Variants in RGL3 observed in about 807,000 individuals in gnomAD.
The protein encoded by RGL3 is ral guanine nucleotide dissociation stimulator like 3, also known as ral guanine nucleotide dissociation stimulator-like 3.
In RGL3, 85 loss-of-function variants were observed where a neutral mutation model predicts 90.6. The ratio of observed to expected loss-of-function variants is 0.94; its 90% CI spans 0.79 to 1.12. The LOEUF is 1.12. Ranked by LOEUF, RGL3 falls within the 50% of genes most tolerant of loss-of-function variation. The pLI, the probability that RGL3 is intolerant of heterozygous loss-of-function variation, is 0.00. For synonymous variants in RGL3, 408 were observed against 385.5 expected (o/e 1.06, Z -0.68); for missense variants, 1,034 against 939.2 (o/e 1.10, Z -1.32).
At chr19:11,413,737 A>C (rs1457921330) in intron 5 of RGL3, among the ~76,000 whole-genome samples, 1 of 147,974 alleles carries the variant, frequency 6.8e-6, no homozygotes, top group East Asian at 2.0e-4. Flanking sequence ...TATTATTATA[A>C]TTTTGTTTTT....
chr19:11,413,070 C>G (rs536426217), intron 5 of RGL3, among the ~76,000 whole-genome samples: 1 of 152,230 alleles, frequency 6.6e-6, no homozygotes, highest in African/African-American at 2.4e-5. Flanking sequence ...ATTTTCTCCT[C>G]TGACCTCAAA....
At chr19:11,415,218 A>G (rs1968972363) in intron 5 of RGL3, among the ~76,000 whole-genome samples, 1 of 151,850 alleles carries the variant, frequency 6.6e-6, no homozygotes, top group South Asian at 2.1e-4. Flanking sequence ...GGCTAGGTAT[A>G]GTGGCTCGCG....
chr19:11,406,632 C>G lies in RGL3; in HGVS notation c.783G>C (p.Glu261Asp), dbSNP rs1968786888. The change falls in exon 7 of 19, where the codon GAG becomes GAC. Residue 261 changes from glutamate to aspartate, a missense_variant and splice_region_variant. Physicochemically the swap from Glu to Asp is conservative, Grantham distance 45. Coordinates refer to ENST00000380456, the MANE Select transcript of RGL3 (RefSeq NM_001035223.4). ...VAEQLTLIDLELFSKVRLYEC... is the reference protein window; with the variant it reads ...VAEQLTLIDLDLFSKVRLYEC... Reference sequence around the variant, plus strand: ...CGTAGAGCCTCACCTTGGAGAAGAGCTCCTGGGCCAGGGGAGGGGTGTGGG... The same window carrying G: ...CGTAGAGCCTCACCTTGGAGAAGAGGTCCTGGGCCAGGGGAGGGGTGTGGG... The G allele has an allele frequency of 1.9e-6, 3 of 1,563,634 alleles. No homozygotes were observed. The East Asian group carries it at 7.1e-5, about 37-fold the overall frequency.
intron 16 of RGL3, 146 bp downstream of exon 16, chr19:11,399,709 T>C (rs984077652): frequency 6.2e-6 from 3 of 480,642 alleles, no homozygotes; most frequent in Admixed American, 8.1e-5. Context: ...ATCCCCTGGA[T>C]GGATACCCCG....
intron 5 of RGL3, among the ~76,000 whole-genome samples, chr19:11,412,352 T>C (rs954075000): frequency 6.6e-6 from 1 of 151,220 alleles, no homozygotes; most frequent in Non-Finnish European, 1.5e-5. Flanking sequence ...TGAATTGACA[T>C]AAGCCCGGGA....
At chr19:11,415,856 A>C in intron 5 of RGL3, 81 bp downstream of exon 5, 3 of 1,235,756 alleles carry the variant, frequency 2.4e-6, no homozygotes, top group Non-Finnish European at 3.4e-6. Flanking sequence ...TGTAGCTCTG[A>C]GAGGGGAGAG....
rs317910 is a variant in RGL3, at chr19:11,402,150, A to G, written c.1363-18T>C. ...TCCCACTCCTGGAGGACGAGCCTCT[A>G]AGACCCTACCCCTGCCCCACCCCCA... On this transcript the variant is annotated intron_variant, in intron 12 of 18. Coordinates refer to ENST00000380456, the MANE Select transcript of RGL3 (RefSeq NM_001035223.4). The G allele has an allele frequency of 0.12, 185,967 of 1,609,856 alleles. 20,816 individuals carry two copies. The highest frequency in any genetic ancestry group is 0.59 in the African/African-American group (43,736 of 74,500).
At chr19:11,399,496 G>C (rs1289725797) in intron 16 of RGL3, among the ~76,000 whole-genome samples, 1 of 152,076 alleles carries the variant, frequency 6.6e-6, no homozygotes, top group African/African-American at 2.4e-5. Flanking sequence ...GCCTGGGGGA[G>C]GGGTGGAAGT....
rs748379966 is a variant in RGL3, at chr19:11,416,007, C to A, written c.567G>T (p.Glu189Asp). Residue 189 changes from glutamate (E) to aspartate (D), a missense_variant, in exon 5 of 19, where the codon GAG becomes GAT. Transcript: ENST00000380456. ...CCTCCAAAAAATCTTCCAGAAGCTT[C>A]TCTGCTTTTTGAGCCTCAGCACTCC... is the stretch of plus-strand genomic sequence containing the variant. ...APGSAEAQKA[E>D]KLLEDFLEEA... The A allele has an allele frequency of 8.7e-6, 14 of 1,613,922 alleles. No homozygotes were observed. In the East Asian group the frequency reaches 2.9e-4, roughly 33 times the overall value.
In RGL3 at chr19:11,402,429, C is replaced by A; in HGVS notation, c.1329+26G>T. 3 of 1,592,180 alleles carry A rather than the reference C, an allele frequency of 1.9e-6. No individual in the cohort carries two copies. The South Asian group carries it at 3.4e-5, about 18-fold the overall frequency. On this transcript the variant is annotated intron_variant, in intron 11 of 18. Coordinates refer to ENST00000380456, the MANE Select transcript of RGL3 (RefSeq NM_001035223.4). ...TGCTGGGGGCAAGTGGAGCTGGGGTCAGGGGTCAAGGGTCAGGGGTCAGAC... is the reference window on the plus strand; with the variant it reads ...TGCTGGGGGCAAGTGGAGCTGGGGTAAGGGGTCAAGGGTCAGGGGTCAGAC...
intron 18 of RGL3, among the ~76,000 whole-genome samples, chr19:11,396,151 TATATATA>T (rs1455845369): frequency 3.9e-5 from 3 of 77,534 alleles, no homozygotes; most frequent in South Asian, 4.1e-4. Flanking sequence ...TATATATATA[TATATATA>T]TTTTTTTTTT....
intron 5 of RGL3, among the ~76,000 whole-genome samples, chr19:11,411,703 C>T (rs141206668): frequency 1.1e-3 from 173 of 152,266 alleles, no homozygotes; most frequent in African/African-American, 4.0e-3. Flanking sequence ...CTCACTGCAG[C>T]CTTGACCATC....
chr19:11,406,989 A>AT (rs1445463056), intron 5 of RGL3, 125 bp from the exon 6 acceptor site: 627 of 1,014,642 alleles, frequency 6.2e-4, no homozygotes, highest in South Asian at 8.2e-4. Flanking sequence ...AGCTCTCTTA[A>AT]ATTTTTTTTT....
At chr19:11,404,092 A>T (rs937108121) in intron 9 of RGL3, among the ~76,000 whole-genome samples, 1 of 151,840 alleles carries the variant, frequency 6.6e-6, no homozygotes, top group African/African-American at 2.4e-5. Context: ...CATGTTGCCC[A>T]GGTTGGTCTT....
chr19:11,395,253 T>G (rs1440097297), intron 18 of RGL3, among the ~76,000 whole-genome samples: 1 of 150,952 alleles, frequency 6.6e-6, no homozygotes, highest in Non-Finnish European at 1.5e-5. Context: ...CACCATGAAC[T>G]TGAATAACTT....
chr19:11,415,860 G>A (rs941568351), intron 5 of RGL3, 77 bp downstream of exon 5: 24 of 1,264,808 alleles, frequency 1.9e-5, no homozygotes, highest in African/African-American at 3.0e-5. Context: ...GCTCTGAGAG[G>A]GGAGAGAAAG....
rs748597093 is a variant in RGL3 at position 11,405,175 on chromosome 19, T to C, written c.1157A>G (p.His386Arg). The part of the protein sequence containing the change: ...LSQIFSDENN[H>R]LSSREILFQE... ...GAAAAGAATCTCTCTGCTGCTGAGG[T>C]GGTTGTTCTCATCGGAGAAAATCTG... The change falls in exon 9 of 19, where the codon CAC becomes CGC. Residue 386 changes from histidine to arginine, a missense_variant. Coordinates refer to ENST00000380456, the MANE Select transcript of RGL3 (RefSeq NM_001035223.4). The C allele has an allele frequency of 9.3e-6, 15 of 1,613,936 alleles. No homozygotes were observed. In the South Asian group the frequency reaches 1.5e-4, roughly 17 times the overall value.
At chr19:11,410,194 T>C (rs1968849567) in intron 5 of RGL3, among the ~76,000 whole-genome samples, 1 of 151,266 alleles carries the variant, frequency 6.6e-6, no homozygotes, top group Admixed American at 6.6e-5. Context: ...AGAGATGGGG[T>C]TTCACCATGT....
intron 13 of RGL3, 66 bp from the exon 14 acceptor site, chr19:11,400,363 T>G: frequency 7.2e-7 from 1 of 1,382,124 alleles, no homozygotes; most frequent in Admixed American, 2.6e-5. Context: ...AGATAAGAGT[T>G]GGAATCAGTT....
Sources: gnomAD v4.1 joint callset for allele counts (sites outside exome capture counted in the v4.1 genomes callset) on GRCh38, gnomAD v4.1.1 for gene constraint, MANE v1.5 for transcripts, NCBI Gene and HGNC (gene_info 2026-07-23, HGNC 2026-07-21) for gene names.